The following EXOC4 variants were observed in gnomAD, a reference collection of about 807,000 sequenced individuals.
EXOC4 encodes SEC8-like 1.
A neutral mutation model predicts 107.2 loss-of-function variants in EXOC4; 71 were observed. The ratio of observed to expected loss-of-function variants is 0.66; its 90% CI spans 0.55 to 0.81. The LOEUF is 0.81. EXOC4 is among the 30% of genes least tolerant of loss of function. EXOC4 has a pLI of 0.00. For synonymous variants in EXOC4, 456 were observed against 441.2 expected, an observed-to-expected ratio of 1.03 and a Z score of -0.42; for missense variants, 1,108 against 1,189.6, an observed-to-expected ratio of 0.93 and a Z score of 1.01.
chr7:133,632,181 G>GTA (rs1802607946), intron 10 of EXOC4, among the ~76,000 whole-genome samples: 3 of 152,242 alleles, frequency 2.0e-5, no homozygotes, highest in Admixed American at 2.0e-4. Context: ...ACAGCTACTT[G>GTA]TTAAGTCTTT....
chr7:133,855,127 A>AT (rs1563028586), intron 11 of EXOC4, among the ~76,000 whole-genome samples: 1 of 81,118 alleles, frequency 1.2e-5, no homozygotes, highest in Non-Finnish European at 2.4e-5. Context: ...ATATATATAT[A>AT]AATATATATA....
intron 15 of EXOC4, among the ~76,000 whole-genome samples, chr7:133,998,572 C>A (rs543793382): frequency 6.6e-6 from 1 of 152,180 alleles, no homozygotes; most frequent in South Asian, 2.1e-4. Flanking sequence ...GGCTGATGAA[C>A]AAGCTGGGTG....
the EXOC4 span, among the ~76,000 whole-genome samples, chr7:134,078,305 T>C: frequency 6.6e-6 from 1 of 151,464 alleles, no homozygotes; most frequent in Non-Finnish European, 1.5e-5. Context: ...GAAAAAAAAC[T>C]ATAATAGTTA....
At chr7:133,866,319 A>G (rs1360939739) in intron 11 of EXOC4, among the ~76,000 whole-genome samples, 2 of 152,092 alleles carry the variant, frequency 1.3e-5, no homozygotes, top group African/African-American at 4.8e-5. Context: ...TACTTGGCTT[A>G]CTCGGTACCA....
At chr7:133,597,487 G>C (rs922839184) in intron 9 of EXOC4, among the ~76,000 whole-genome samples, 1 of 150,134 alleles carries the variant, frequency 6.7e-6, no homozygotes, top group African/African-American at 2.5e-5. Flanking sequence ...CCAGGAGGCG[G>C]AGATTGCGGT....
At chr7:133,352,470 G>C (rs1195557768) in intron 5 of EXOC4, among the ~76,000 whole-genome samples, 1 of 151,540 alleles carries the variant, frequency 6.6e-6, no homozygotes, top group Admixed American at 6.6e-5. Flanking sequence ...TTCTGCTCTT[G>C]TTTTGCTGCT....
intron 7 of EXOC4, among the ~76,000 whole-genome samples, chr7:133,408,341 TG>T (rs1797274162): frequency 6.8e-6 from 1 of 147,440 alleles, no homozygotes; most frequent in African/African-American, 2.5e-5. Flanking sequence ...GGGGTGGTGA[TG>T]GTGGGGTGGA....
At chr7:134,074,611 C>G in the EXOC4 span, among the ~76,000 whole-genome samples, 23 of 152,188 alleles carry the variant, frequency 1.5e-4, no homozygotes, top group Admixed American at 3.9e-4. Flanking sequence ...GTGGGGATGC[C>G]TAGTTCATGT....
chr7:133,410,549 A>G (rs567122402), intron 7 of EXOC4, among the ~76,000 whole-genome samples: 3 of 152,058 alleles, frequency 2.0e-5, no homozygotes, highest in African/African-American at 7.2e-5. Flanking sequence ...GTCCACTTCT[A>G]TGTTAGGTCT....
At chr7:133,809,192 T>A (rs889570384) in intron 10 of EXOC4, among the ~76,000 whole-genome samples, 1 of 152,208 alleles carries the variant, frequency 6.6e-6, no homozygotes, top group Non-Finnish European at 1.5e-5. Flanking sequence ...CTGATGCAGA[T>A]CTGTGGCTTT....
intron 1 of EXOC4, among the ~76,000 whole-genome samples, chr7:133,264,028 C>T (rs1793652317): frequency 6.6e-6 from 1 of 152,112 alleles, no homozygotes; most frequent in Non-Finnish European, 1.5e-5. Context: ...AAGAAGATCA[C>T]TGTGGACAAT....
chr7:133,543,534 T>C (rs1800421899), intron 9 of EXOC4, among the ~76,000 whole-genome samples: 1 of 152,176 alleles, frequency 6.6e-6, no homozygotes. Context: ...CAAGCTTTCA[T>C]ATATTTAATA....
intron 10 of EXOC4, among the ~76,000 whole-genome samples, chr7:133,658,665 C>T (rs533766278): frequency 3.9e-4 from 59 of 152,212 alleles, no homozygotes; most frequent in Non-Finnish European, 5.4e-4. Flanking sequence ...GTAAGCACAA[C>T]GGAAAATTCC....
chr7:133,755,830 C>T (rs768559286), intron 10 of EXOC4, among the ~76,000 whole-genome samples: 1 of 152,092 alleles, frequency 6.6e-6, no homozygotes, highest in African/African-American at 2.4e-5. Flanking sequence ...TTAATTTCTT[C>T]GTGTCTAGTG....
chr7:133,763,152 C>A (rs1038353690), intron 10 of EXOC4, among the ~76,000 whole-genome samples: 1 of 152,076 alleles, frequency 6.6e-6, no homozygotes. Flanking sequence ...GGATATATAT[C>A]CCAGTGAGTA....
At chr7:133,373,874 T>G (rs1796429938) in intron 6 of EXOC4, among the ~76,000 whole-genome samples, 1 of 152,174 alleles carries the variant, frequency 6.6e-6, no homozygotes, top group Non-Finnish European at 1.5e-5. Flanking sequence ...AGATTAATAA[T>G]GGAGAAGTGA....
intron 1 of EXOC4, among the ~76,000 whole-genome samples, chr7:133,265,961 A>G (rs1793721414): frequency 6.6e-6 from 1 of 152,214 alleles, no homozygotes; most frequent in African/African-American, 2.4e-5. Context: ...GATAACATTT[A>G]TCTTGAAAAA....
chr7:133,537,481 C>G (rs1200751738), intron 9 of EXOC4, among the ~76,000 whole-genome samples: 1 of 152,088 alleles, frequency 6.6e-6, no homozygotes, highest in Non-Finnish European at 1.5e-5. Flanking sequence ...ATATAGTTAT[C>G]TATTGTTGTC....
intron 1 of EXOC4, chr7:133,253,833 A>G (rs1794950173): frequency 6.6e-6 from 1 of 152,052 alleles, no homozygotes; most frequent in Non-Finnish European, 1.5e-5. Context: ...GCCCCTCTGC[A>G]CCTCCCAGAA....
Sources: allele counts gnomAD v4.1 joint callset (sites outside exome capture counted in the v4.1 genomes callset), GRCh38; gene constraint gnomAD v4.1.1; transcripts MANE v1.5; gene names NCBI Gene and HGNC (gene_info 2026-07-23, HGNC 2026-07-21).